The following ADAMTS17 variants were observed in gnomAD, a reference collection of about 807,000 sequenced individuals.
The protein encoded by ADAMTS17 is ADAM metallopeptidase with thrombospondin type 1 motif 17, also known as A disintegrin and metalloproteinase with thrombospondin motifs 17.
In ADAMTS17, 113 loss-of-function variants were observed where a neutral mutation model predicts 141.5. The observed-to-expected ratio is 0.80, with a 90% CI of 0.69 to 0.93. The LOEUF (loss-of-function observed/expected upper bound fraction) is 0.93, where lower values mean the gene tolerates loss of function less well. ADAMTS17 is among the 40% of genes least tolerant of loss of function. The pLI is 0.00. For synonymous variants in ADAMTS17, 768 were observed against 630.6 expected, an observed-to-expected ratio of 1.22 and a Z score of -3.27; for missense variants, 1,659 against 1,517.9, an observed-to-expected ratio of 1.09 and a Z score of -1.54.
At chr15:100,114,415 T>TCTA (rs2036984358) in intron 13 of ADAMTS17, among the ~76,000 whole-genome samples, 1 of 152,148 alleles carries the variant, frequency 6.6e-6, no homozygotes, top group South Asian at 2.1e-4. Context: ...CCTCCTGCCT[T>TCTA]CTAAATTGGC....
At chr15:100,089,407 T>G (rs188536295) in intron 15 of ADAMTS17, among the ~76,000 whole-genome samples, 2,629 of 149,408 alleles carry the variant, frequency 0.018, 30 homozygotes, top group Non-Finnish European at 0.026. Flanking sequence ...GTTCAACCAT[T>G]GTGGAAGACA....
At position 100,286,756 on chromosome 15, in the gene ADAMTS17, G is replaced by C. The variant is rs536423932; in HGVS notation, c.617-5355C>G. Among the ~76,000 whole-genome samples the C allele has an allele frequency of 2.6e-5, 4 of 152,262 alleles. No homozygotes were observed. The East Asian group carries it at 7.7e-4, about 29-fold the overall frequency. On this transcript the variant is annotated intron_variant, in intron 3 of 21. Transcript: ENST00000268070. The stretch of plus-strand genomic sequence containing the variant: ...CACACTGGCAACTCAAAAAGCCAGA[G>C]TGTCTTACCTCCAAATGACCACACT...
In ADAMTS17 at chr15:100,250,443, T is replaced by C. The variant is rs577199901; in HGVS notation, c.1075+3693A>G. 5.3e-5 allele frequency among the ~76,000 whole-genome samples: 8 copies of C among 152,298 alleles called. No homozygotes were observed. In the East Asian group the frequency reaches 1.5e-3, roughly 29 times the overall value. On this transcript the variant is annotated intron_variant, in intron 7 of 21. Coordinates refer to ENST00000268070, the MANE Select transcript of ADAMTS17 (RefSeq NM_139057.4). Reference sequence around the variant, plus strand: ...GCATCTACATGACTCAGATTATTTTTCCATTCTGCGCAATCAAAACAAAAT... The same window carrying C: ...GCATCTACATGACTCAGATTATTTTCCCATTCTGCGCAATCAAAACAAAAT...
chr15:100,070,245 G>A (rs1291758950), intron 15 of ADAMTS17, among the ~76,000 whole-genome samples: 5 of 142,424 alleles, frequency 3.5e-5, no homozygotes, highest in Admixed American at 3.0e-4. Flanking sequence ...CATAAAGCAA[G>A]TCCTGAGTGA....
chr15:100,249,636 C>T (rs929826748), intron 7 of ADAMTS17, among the ~76,000 whole-genome samples: 1 of 152,190 alleles, frequency 6.6e-6, no homozygotes, highest in Non-Finnish European at 1.5e-5. Flanking sequence ...TGCCTGTGTT[C>T]CAAGCCAGTC....
intron 13 of ADAMTS17, among the ~76,000 whole-genome samples, chr15:100,111,384 G>A (rs1490882693): frequency 6.6e-6 from 1 of 152,234 alleles, no homozygotes; most frequent in Non-Finnish European, 1.5e-5. Flanking sequence ...TCCACTTGCA[G>A]GGAAGGACCT....
At chr15:100,218,865 G>T (rs1011214294) in intron 7 of ADAMTS17, among the ~76,000 whole-genome samples, 2 of 149,506 alleles carry the variant, frequency 1.3e-5, no homozygotes. Context: ...ACACGCACAC[G>T]TCCACCTGAA....
Position 100,341,917 on chromosome 15 carries a change from G to C in ADAMTS17, c.-18C>G. On this transcript the variant is annotated 5_prime_UTR_variant, in exon 1 of 22. Transcript: ENST00000268070. ...TCACACATGGTACCCGGGACCGGCA[G>C]CCCCCCCGGACCGTGGCGGCGAAGC... 6.5e-7 allele frequency: 1 copy of C among 1,548,764 alleles called. No homozygotes were observed. Among genetic ancestry groups the C allele is most frequent in the East Asian group, 2.5e-5 (1 of 40,816 alleles).
At chr15:100,062,275 A>G (rs2033181169) in intron 15 of ADAMTS17, among the ~76,000 whole-genome samples, 1 of 152,160 alleles carries the variant, frequency 6.6e-6, no homozygotes, top group South Asian at 2.1e-4. Flanking sequence ...CGGCCGTCAC[A>G]GCCTCAAGGA....
chr15:100,310,187 G>A (rs2045357645), intron 3 of ADAMTS17, among the ~76,000 whole-genome samples: 1 of 152,148 alleles, frequency 6.6e-6, no homozygotes, highest in Non-Finnish European at 1.5e-5. Flanking sequence ...TCCCAGAAAG[G>A]AAACCAACAG....
At chr15:100,271,621 T>C (rs2043916619) in intron 4 of ADAMTS17, among the ~76,000 whole-genome samples, 1 of 152,126 alleles carries the variant, frequency 6.6e-6, no homozygotes, top group Non-Finnish European at 1.5e-5. Flanking sequence ...AGAAGCTTTC[T>C]ATATATTCTG....
chr15:100,013,443 G>A (rs1015598451), intron 18 of ADAMTS17, among the ~76,000 whole-genome samples: 1 of 152,146 alleles, frequency 6.6e-6, no homozygotes, highest in Non-Finnish European at 1.5e-5. Context: ...TAGTGAGAGT[G>A]GGCATCCTTG....
intron 7 of ADAMTS17, among the ~76,000 whole-genome samples, chr15:100,225,987 ATAG>A: frequency 6.9e-6 from 1 of 144,532 alleles, no homozygotes; most frequent in Non-Finnish European, 1.5e-5. Context: ...TTCAGTCCTT[ATAG>A]CAGTCATAGC....
In ADAMTS17 at chr15:100,169,807, G is replaced by A. The variant is rs149369106; in HGVS notation, c.1182-14487C>T. Among the ~76,000 whole-genome samples the A allele has an allele frequency of 2.5e-3, 386 of 152,304 alleles. 1 individual carries two copies. The highest frequency in any genetic ancestry group is 8.6e-3 in the African/African-American group (358 of 41,562). On this transcript the variant is annotated intron_variant, in intron 8 of 21. Coordinates refer to ENST00000268070, the MANE Select transcript of ADAMTS17 (RefSeq NM_139057.4). ...ATCTGGTCACGGGGCACTGGGACTC[G>A]CCTGCAACACAGCGTGGATGTGGCT...
intron 7 of ADAMTS17, among the ~76,000 whole-genome samples, chr15:100,233,936 T>C (rs537444670): frequency 1.3e-5 from 2 of 152,148 alleles, no homozygotes; most frequent in Non-Finnish European, 2.9e-5. Context: ...CCTACTGTTC[T>C]GTCAGTTCTA....
chr15:100,073,441 C>G (rs1034237379), intron 15 of ADAMTS17, among the ~76,000 whole-genome samples: 2 of 152,064 alleles, frequency 1.3e-5, no homozygotes, highest in Non-Finnish European at 1.5e-5. Context: ...ATAAATCATG[C>G]TGTTATAAAG....
rs749955356 is a variant in ADAMTS17 at position 100,281,390 on chromosome 15, G to A, written c.628C>T (p.Pro210Ser). Reference sequence around the variant, plus strand: ...TCCCGCGAAGGCCTGCCCCACGTCGGCTTCTTCTTTTCTAGAAAATGATGG... The same window carrying A: ...TCCCGCGAAGGCCTGCCCCACGTCGACTTCTTCTTTTCTAGAAAATGATGG... ...LCKVLTEKKK[P>S]TWGRPSRDWR... The change falls in exon 4 of 22, where the codon CCG becomes TCG. Residue 210 changes from proline to serine, a missense_variant. Transcript: ENST00000268070. 6.2e-7 allele frequency: 1 copy of A among 1,612,372 alleles called. No individual in the cohort carries two copies. Among genetic ancestry groups the A allele is most frequent in the African/African-American group, 1.3e-5 (1 of 74,920 alleles).
intron 8 of ADAMTS17, among the ~76,000 whole-genome samples, chr15:100,186,311 C>T (rs1379740520): frequency 2.0e-5 from 3 of 152,206 alleles, no homozygotes; most frequent in African/African-American, 7.2e-5. Context: ...GGGCTTGAAG[C>T]CTGGCTCTGC....
rs1360677815 is a variant in ADAMTS17, at chr15:100,053,937, ATCT to A, written c.2252_2254del (p.Lys751del). 1.9e-6 allele frequency: 3 copies of A among 1,614,168 alleles called. No homozygotes were observed. Among genetic ancestry groups the A allele is most frequent in the Non-Finnish European group, 2.5e-6 (3 of 1,180,020 alleles). ...TAGTTTGGTTGGTCCCTTGGCAGAG[ATCT>A]TCTCCCACAGCCCCCTTCTCACATA... On this transcript the variant is annotated inframe_deletion, in exon 16 of 22. Coordinates refer to ENST00000268070, the MANE Select transcript of ADAMTS17 (RefSeq NM_139057.4).
Sources: allele counts gnomAD v4.1 joint callset (sites outside exome capture counted in the v4.1 genomes callset), GRCh38; gene constraint gnomAD v4.1.1; transcripts MANE v1.5; gene names NCBI Gene and HGNC (gene_info 2026-07-23, HGNC 2026-07-21).